OR7E24: variants seen among roughly 807,000 people sequenced by gnomAD.
OR7E24 encodes the protein olfactory receptor family 7 subfamily E member 24.
For missense variants in OR7E24, 385 were observed against 410.3 expected (o/e 0.94, Z 0.53); for synonymous variants, 130 against 157.5 (o/e 0.83, Z 1.31).
upstream of OR7E24, among the ~76,000 whole-genome samples, chr19:9,245,866 T>C (rs888747101): frequency 2.6e-5 from 4 of 152,026 alleles, no homozygotes; most frequent in African/African-American, 9.7e-5. Context: ...AAACAACTCA[T>C]TACAAAAAGA....
chr19:9,216,124 C>G, the OR7E24 span, among the ~76,000 whole-genome samples: 1 of 152,178 alleles, frequency 6.6e-6, no homozygotes, highest in African/African-American at 2.4e-5. Flanking sequence ...AGACCTGTCT[C>G]CATGATTCAA....
the OR7E24 span, among the ~76,000 whole-genome samples, chr19:9,241,028 G>A: frequency 6.6e-6 from 1 of 152,050 alleles, no homozygotes; most frequent in Non-Finnish European, 1.5e-5. Flanking sequence ...TGTTAGTCAG[G>A]CCGGTCTTGA....
upstream of OR7E24, among the ~76,000 whole-genome samples, chr19:9,243,710 G>A (rs2066122119): frequency 6.6e-6 from 1 of 152,184 alleles, no homozygotes; most frequent in African/African-American, 2.4e-5. Flanking sequence ...AATGGCTCAA[G>A]CTGGTGCAAT....
chr19:9,234,862 C>T, the OR7E24 span, among the ~76,000 whole-genome samples: 1 of 152,054 alleles, frequency 6.6e-6, no homozygotes, highest in South Asian at 2.1e-4. Flanking sequence ...AAAGACATGG[C>T]GAGTCTGCAG....
Position 9,251,932 on chromosome 19 carries a change from A to G in OR7E24, c.889A>G (p.Thr297Ala), listed in dbSNP as rs761124124. The change falls in exon 1 of 1, where the codon ACT becomes GCT. Residue 297 changes from threonine (T) to alanine (A), a missense_variant. Physicochemically the swap from Thr to Ala is moderately conservative, Grantham distance 58. Coordinates refer to ENST00000456448, the MANE Select transcript of OR7E24 (RefSeq NM_001079935.2). ...RKSMVASVMY[T>A]VVTPMLNPFI... ...GAGTATGGTGGCTTCAGTGATGTACACTGTGGTCACCCCCATGCTGAACCC... is the reference window on the plus strand; with the variant it reads ...GAGTATGGTGGCTTCAGTGATGTACGCTGTGGTCACCCCCATGCTGAACCC... The G allele has an allele frequency of 1.2e-6, 2 of 1,614,098 alleles. No individual in the cohort carries two copies. The highest frequency in any genetic ancestry group is 3.3e-5 in the Admixed American group (2 of 60,016).
the OR7E24 span, among the ~76,000 whole-genome samples, chr19:9,237,079 C>A: frequency 6.6e-6 from 1 of 152,114 alleles, no homozygotes; most frequent in African/African-American, 2.4e-5. Context: ...TACTCAGGAG[C>A]TTTTCAAGTT....
upstream of OR7E24, among the ~76,000 whole-genome samples, chr19:9,247,855 A>G (rs1188182625): frequency 6.6e-6 from 1 of 152,112 alleles, no homozygotes; most frequent in Non-Finnish European, 1.5e-5. Flanking sequence ...GTCCCTGCCA[A>G]TGAGTGATGT....
chr19:9,236,769 C>T, the OR7E24 span, among the ~76,000 whole-genome samples: 12 of 152,190 alleles, frequency 7.9e-5, 1 homozygote, highest in South Asian at 2.1e-4. Context: ...AATGCTGACA[C>T]GCGTCCTCGA....
chr19:9,227,239 T>C, the OR7E24 span, among the ~76,000 whole-genome samples: 314 of 76,374 alleles, frequency 4.1e-3, no homozygotes, highest in African/African-American at 5.7e-3. Context: ...TTCTTTCTCT[T>C]TTTTTTTTTT....
chr19:9,239,499 C>G, the OR7E24 span, among the ~76,000 whole-genome samples: 4 of 151,968 alleles, frequency 2.6e-5, no homozygotes, highest in African/African-American at 9.7e-5. Context: ...TAACAGCATT[C>G]TAACACGTAC....
At position 9,252,285 on chromosome 19, in the gene OR7E24, G is replaced by A. The variant is rs1018265361; in HGVS notation, c.*222G>A. 1.0e-5 allele frequency: 4 copies of A among 391,576 alleles called. No individual in the cohort carries two copies. Among genetic ancestry groups the A allele is most frequent in the Non-Finnish European group, 1.8e-5 (4 of 217,176 alleles). The allele number at this position is 391,576 out of a possible 1,614,324, so 24.3% of individuals were successfully genotyped here. A position where few individuals can be genotyped will look rare whatever the true frequency, so the allele number is the denominator to read the frequency against. Reference sequence around the variant, plus strand: ...CTAGACAGCCTCCTTTAGTATCTGTGCAATGACCTTGATATCCAGGTGCAA... The same window carrying A: ...CTAGACAGCCTCCTTTAGTATCTGTACAATGACCTTGATATCCAGGTGCAA... On this transcript the variant is annotated 3_prime_UTR_variant, in exon 1 of 1. Transcript: ENST00000456448.
At chr19:9,249,126 C>T (rs1048175283), upstream of OR7E24, among the ~76,000 whole-genome samples, 83 of 152,316 alleles carry the variant, frequency 5.4e-4, no homozygotes, top group African/African-American at 2.0e-3. Context: ...AATCTCCATA[C>T]CATTGAACTG....
upstream of OR7E24, among the ~76,000 whole-genome samples, chr19:9,244,654 A>G (rs2066124494): frequency 6.6e-6 from 1 of 152,236 alleles, no homozygotes; most frequent in African/African-American, 2.4e-5. Flanking sequence ...GATTTGATCA[A>G]TACCTTCATG....
At chr19:9,244,975 G>A (rs1331991371), upstream of OR7E24, among the ~76,000 whole-genome samples, 4 of 152,190 alleles carry the variant, frequency 2.6e-5, no homozygotes, top group South Asian at 2.1e-4. Flanking sequence ...AGGCCAAGGC[G>A]GGCAGATCAC....
chr19:9,229,775 G>A, the OR7E24 span, among the ~76,000 whole-genome samples: 1 of 152,288 alleles, frequency 6.6e-6, no homozygotes, highest in African/African-American at 2.4e-5. Flanking sequence ...GAGGCTCTCT[G>A]AGAGTTCAAC....
the OR7E24 span, among the ~76,000 whole-genome samples, chr19:9,239,136 TC>T: frequency 6.6e-6 from 1 of 152,106 alleles, no homozygotes; most frequent in African/African-American, 2.4e-5. Context: ...GTATGCAATG[TC>T]CCTTTTCTCC....
At chr19:9,222,860 G>GCATT in the OR7E24 span, among the ~76,000 whole-genome samples, 1 of 152,084 alleles carries the variant, frequency 6.6e-6, no homozygotes, top group East Asian at 1.9e-4. Context: ...GTGAGAACAG[G>GCATT]CATTCCTTTC....
chr19:9,247,184 T>G (rs1186525355), upstream of OR7E24, among the ~76,000 whole-genome samples: 2 of 152,172 alleles, frequency 1.3e-5, no homozygotes, highest in Non-Finnish European at 2.9e-5. Flanking sequence ...CAAAAGCTTC[T>G]GTGGACATTC....
the OR7E24 span, chr19:9,214,792 C>T: frequency 6.2e-7 from 1 of 1,612,088 alleles, no homozygotes; most frequent in East Asian, 2.2e-5. Flanking sequence ...TCTGAGAGTC[C>T]CAGGAGGAGA....
Sources: gnomAD v4.1 joint callset for allele counts (sites outside exome capture counted in the v4.1 genomes callset) on GRCh38, gnomAD v4.1.1 for gene constraint, MANE v1.5 for transcripts, NCBI Gene and HGNC (gene_info 2026-07-23, HGNC 2026-07-21) for gene names.